Variants in TRPC4 observed in about 807,000 individuals in gnomAD.
TRPC4 encodes the protein short transient receptor potential channel 4.
TRPC4 carries 49 observed loss-of-function variants against 99.4 expected under a neutral mutation model. That is an observed-to-expected ratio of 0.49 (90% confidence interval 0.39 to 0.63). TRPC4 has a LOEUF of 0.63. TRPC4 is among the 20% of genes least tolerant of loss of function. TRPC4 has a pLI of 0.00. For synonymous variants in TRPC4, 454 were observed against 425.9 expected (o/e 1.07, Z -0.81); for missense variants, 898 against 1,152.9 (o/e 0.78, Z 3.20).
At chr13:37,777,829 A>G (rs928654918) in intron 2 of TRPC4, among the ~76,000 whole-genome samples, 1 of 152,012 alleles carries the variant, frequency 6.6e-6, no homozygotes, top group Admixed American at 6.6e-5. Flanking sequence ...ATTAACAGCC[A>G]AGAAAAAACC....
At chr13:37,780,726 A>C (rs1033584807) in intron 2 of TRPC4, among the ~76,000 whole-genome samples, 2 of 151,196 alleles carry the variant, frequency 1.3e-5, no homozygotes, top group Middle Eastern at 3.4e-3. Context: ...TTTGTGTGCT[A>C]TGCACGTTTC....
intron 1 of TRPC4, among the ~76,000 whole-genome samples, chr13:37,836,469 G>A (rs1958569295): frequency 6.6e-6 from 1 of 152,160 alleles, no homozygotes; most frequent in Non-Finnish European, 1.5e-5. Context: ...TGAAATCCAG[G>A]TTGAGGTGGT....
chr13:37,799,001 C>T (rs9635088), intron 1 of TRPC4, among the ~76,000 whole-genome samples: 45,477 of 150,818 alleles, frequency 0.3, 8,574 homozygotes, highest in South Asian at 0.45. Context: ...GCGTGATCTC[C>T]GCTCACTGCA....
chr13:37,806,476 A>T (rs763280070), intron 1 of TRPC4, among the ~76,000 whole-genome samples: 3 of 152,080 alleles, frequency 2.0e-5, no homozygotes, highest in African/African-American at 2.4e-5. Flanking sequence ...TGTTGATGTT[A>T]CTATTTCCCA....
rs376252363 is a variant in TRPC4, at chr13:37,824,051, C to A, written c.-27-40691G>T. ...TTGAAGCAATTGTGAATGGGAGTTC[C>A]CTCATGATTTGGCTCTCTGTTTGTC... is the stretch of plus-strand genomic sequence containing the variant. On this transcript the variant is annotated intron_variant, in intron 1 of 10. Coordinates refer to ENST00000379705, the MANE Select transcript of TRPC4 (RefSeq NM_016179.4). Among the ~76,000 whole-genome samples, 307 of 140,762 alleles carry A rather than the reference C, an allele frequency of 2.2e-3. 2 individuals are homozygous for A. Among genetic ancestry groups the A allele is most frequent in the African/African-American group, 7.5e-3 (278 of 37,070 alleles). 92.3% of individuals were successfully genotyped at this position (140,762 alleles called of 152,430 possible).
At chr13:37,782,702 T>G (rs1415306482) in intron 2 of TRPC4, among the ~76,000 whole-genome samples, 1 of 152,020 alleles carries the variant, frequency 6.6e-6, no homozygotes, top group Non-Finnish European at 1.5e-5. Flanking sequence ...CTACTTAAAT[T>G]ACTTTATTTT....
intron 8 of TRPC4, among the ~76,000 whole-genome samples, chr13:37,643,086 G>A (rs1951774803): frequency 6.6e-6 from 1 of 152,082 alleles, no homozygotes; most frequent in Admixed American, 6.6e-5. Context: ...GTGACCCCTA[G>A]ATGGGCTTTG....
intron 1 of TRPC4, among the ~76,000 whole-genome samples, chr13:37,822,047 T>C (rs781550190): frequency 7.2e-5 from 11 of 151,972 alleles, no homozygotes; most frequent in Admixed American, 4.6e-4. Context: ...GGAAAATATT[T>C]GAAAAAAATG....
intron 3 of TRPC4, among the ~76,000 whole-genome samples, chr13:37,745,420 T>TTATATATATATATGCGTATATATATATA (rs1955710310): frequency 7.8e-6 from 1 of 128,364 alleles, no homozygotes; most frequent in African/African-American, 3.3e-5. Context: ...GGCTGATTAT[T>TTATATATATATATGCGTATATATATATA]TATATATATA....
chr13:37,798,923 G>A (rs1418337769), intron 1 of TRPC4, among the ~76,000 whole-genome samples: 2 of 119,788 alleles, frequency 1.7e-5, no homozygotes, highest in African/African-American at 3.2e-5. Flanking sequence ...TCTCAATAAA[G>A]GGAGGTAATC....
In TRPC4 at chr13:37,674,386, T is replaced by G; in HGVS notation, c.1235-19A>C. 3.1e-6 allele frequency: 5 copies of G among 1,593,460 alleles called. No homozygotes were observed. The highest frequency in any genetic ancestry group is 3.4e-6 in the Non-Finnish European group (4 of 1,174,462). ...ATGAAGCCTGCAATTATAGAAAGAT[T>G]CATTGTAAGTATGATTTCAATAGAA... On this transcript the variant is annotated intron_variant, in intron 4 of 10. Coordinates refer to ENST00000379705, the MANE Select transcript of TRPC4 (RefSeq NM_016179.4).
intron 3 of TRPC4, among the ~76,000 whole-genome samples, chr13:37,731,895 G>C (rs1473013887): frequency 6.6e-6 from 1 of 151,922 alleles, no homozygotes; most frequent in Non-Finnish European, 1.5e-5. Flanking sequence ...TTCATTGTAT[G>C]CATAGAAGGC....
At chr13:37,756,628 G>T (rs1956105335) in intron 2 of TRPC4, among the ~76,000 whole-genome samples, 1 of 150,962 alleles carries the variant, frequency 6.6e-6, no homozygotes, top group Non-Finnish European at 1.5e-5. Context: ...CGCCTCCCAG[G>T]TTCAATCGAT....
In TRPC4 at chr13:37,663,495, A is replaced by G; in HGVS notation, c.1609T>C (p.Leu537=). Residue 537 remains leucine (L), a synonymous_variant, in exon 6 of 11, where the codon TTG becomes CTG. Transcript: ENST00000379705. ...TTCGTTTCTTCATAATAGAAGTACA[A>G]TTGATTTAGGCCATTTGCAAATGCT... is the stretch of plus-strand genomic sequence containing the variant. ...LLAFANGLNQ[L]YFYYEETKGL... 4 of 1,614,228 alleles carry G rather than the reference A, an allele frequency of 2.5e-6. No individual in the cohort carries two copies. The highest frequency in any genetic ancestry group is 2.5e-6 in the Non-Finnish European group (3 of 1,180,030).
chr13:37,808,538 T>A (rs1352874976), intron 1 of TRPC4, among the ~76,000 whole-genome samples: 1 of 152,064 alleles, frequency 6.6e-6, no homozygotes, highest in African/African-American at 2.4e-5. Flanking sequence ...ACAAGAGACA[T>A]CCTTCAGTTG....
intron 3 of TRPC4, among the ~76,000 whole-genome samples, chr13:37,702,070 C>T (rs1447552384): frequency 1.3e-5 from 2 of 152,240 alleles, no homozygotes; most frequent in East Asian, 1.9e-4. Context: ...TTCTGGTAAG[C>T]GACTGTGAAT....
chr13:37,783,205 T>C lies in TRPC4; in HGVS notation c.129A>G (p.Gly43=), dbSNP rs1327424953. 5 of 1,613,594 alleles carry C rather than the reference T, an allele frequency of 3.1e-6. No homozygotes were observed. The highest frequency in any genetic ancestry group is 4.2e-6 in the Non-Finnish European group (5 of 1,179,792). The change falls in exon 2 of 11, where the codon GGA becomes GGG. Residue 43 remains glycine, a synonymous_variant. Coordinates refer to ENST00000379705, the MANE Select transcript of TRPC4 (RefSeq NM_016179.4). ...EKAYLNAVEK[G]DYASVKKSLE... is the part of the protein sequence containing the mutation. The stretch of plus-strand genomic sequence containing the variant: ...GGGATTTCTTGACACTGGCATAATC[T>C]CCCTTTTCCACAGCATTCAAGTAGG...
chr13:37,791,060 G>T (rs774263678), intron 1 of TRPC4, among the ~76,000 whole-genome samples: 28 of 151,998 alleles, frequency 1.8e-4, no homozygotes, highest in Admixed American at 1.8e-3. Context: ...TTTACTTATA[G>T]ACCATGTTTA....
At chr13:37,705,556 T>C (rs1954245101) in intron 3 of TRPC4, among the ~76,000 whole-genome samples, 1 of 152,116 alleles carries the variant, frequency 6.6e-6, no homozygotes, top group Admixed American at 6.6e-5. Flanking sequence ...TCAATAAATA[T>C]ATGCAGTTTT....
Sources: allele counts gnomAD v4.1 joint callset (sites outside exome capture counted in the v4.1 genomes callset), GRCh38; gene constraint gnomAD v4.1.1; transcripts MANE v1.5; gene names NCBI Gene and HGNC (gene_info 2026-07-23, HGNC 2026-07-21).